CCBE1: variants seen among roughly 807,000 people sequenced by gnomAD.
The protein encoded by CCBE1 is collagen and calcium-binding EGF domain-containing protein 1.
CCBE1 carries 37 observed loss-of-function variants against 50.0 expected under a neutral mutation model. That is an observed-to-expected ratio of 0.74 (90% CI 0.57 to 0.97). CCBE1 has a LOEUF of 0.97. Ranked by LOEUF, CCBE1 falls within the 50% of genes least tolerant of loss-of-function variation. CCBE1 has a pLI of 0.00. For missense variants in CCBE1, 538 were observed against 523.8 expected, an observed-to-expected ratio of 1.03 and a Z score of -0.26; for synonymous variants, 234 against 203.7, an observed-to-expected ratio of 1.15 and a Z score of -1.27.
intron 2 of CCBE1, among the ~76,000 whole-genome samples, chr18:59,658,404 T>C (rs2054232948): frequency 2.0e-5 from 1 of 50,964 alleles, no homozygotes; most frequent in Non-Finnish European, 3.4e-5. Context: ...TATATATATA[T>C]ATATATATAT....
At chr18:59,442,366 C>T (rs1435390013) in intron 7 of CCBE1, among the ~76,000 whole-genome samples, 1 of 152,148 alleles carries the variant, frequency 6.6e-6, no homozygotes, top group Non-Finnish European at 1.5e-5. Flanking sequence ...TGTTTATATG[C>T]ATTCATGCAC....
At chr18:59,517,867 A>G (rs1380974800) in intron 2 of CCBE1, among the ~76,000 whole-genome samples, 1 of 152,222 alleles carries the variant, frequency 6.6e-6, no homozygotes, top group Non-Finnish European at 1.5e-5. Flanking sequence ...TTCAACAAAC[A>G]TGGTCAAGGG....
chr18:59,650,092 C>CA (rs2054107651), intron 2 of CCBE1, among the ~76,000 whole-genome samples: 1 of 152,118 alleles, frequency 6.6e-6, no homozygotes, highest in African/African-American at 2.4e-5. Flanking sequence ...TTCCCAGCTT[C>CA]AAGGCCACAG....
chr18:59,693,173 G>A (rs972406606), intron 2 of CCBE1, among the ~76,000 whole-genome samples: 2 of 152,170 alleles, frequency 1.3e-5, no homozygotes, highest in South Asian at 2.1e-4. Flanking sequence ...ATGCATTGTT[G>A]CAGGAAGTCC....
intron 2 of CCBE1, among the ~76,000 whole-genome samples, chr18:59,588,703 C>T (rs1319032423): frequency 2.0e-5 from 3 of 152,194 alleles, no homozygotes; most frequent in Non-Finnish European, 4.4e-5. Flanking sequence ...CAGTATACAG[C>T]TCTTCTGGCA....
chr18:59,536,741 G>A (rs1915265309), intron 2 of CCBE1, among the ~76,000 whole-genome samples: 1 of 152,128 alleles, frequency 6.6e-6, no homozygotes, highest in Non-Finnish European at 1.5e-5. Context: ...TGTAATCTCT[G>A]CACTCTAGGA....
intron 7 of CCBE1, among the ~76,000 whole-genome samples, chr18:59,444,010 G>A (rs990939193): frequency 2.0e-5 from 3 of 152,114 alleles, no homozygotes; most frequent in Non-Finnish European, 4.4e-5. Context: ...TTTTTGACTA[G>A]CTTATTTCAC....
At position 59,433,424 on chromosome 18, in the gene CCBE1, G is replaced by A. The variant is rs1910011718; in HGVS notation, c.*2484C>T. On this transcript the variant is annotated 3_prime_UTR_variant, in exon 11 of 11. Coordinates refer to ENST00000439986, the MANE Select transcript of CCBE1 (RefSeq NM_133459.4). The stretch of plus-strand genomic sequence containing the variant: ...GAGTCACCAGGAATTTTGCATAAAT[G>A]AGACATAGAGGAGCAAAGTGTTCAT... 6.6e-6 allele frequency: 1 copy of A among 151,924 alleles called. No individual in the cohort carries two copies. Among genetic ancestry groups the A allele is most frequent in the Non-Finnish European group, 1.5e-5 (1 of 68,000 alleles). 9.4% of individuals were successfully genotyped at this position (151,924 alleles called of 1,614,324 possible). A position where few individuals can be genotyped will look rare whatever the true frequency, so the allele number is the denominator to read the frequency against.
chr18:59,477,563 T>TGTGTGTGTGTGC lies in CCBE1; in HGVS notation c.265+2622_265+2623insGCACACACACAC, dbSNP rs1281589585. Among the ~76,000 whole-genome samples, 59 of 152,032 alleles carry TGTGTGTGTGTGC rather than the reference T, an allele frequency of 3.9e-4. No individual in the cohort carries two copies. The East Asian group carries it at 9.3e-3, about 24-fold the overall frequency. Reference sequence around the variant, plus strand: ...CTGTGTGTGTGTGTGTGTGTGTGTGTGTGCACCTGCATGCCAATCTTTGTT... The same window carrying TGTGTGTGTGTGC: ...CTGTGTGTGTGTGTGTGTGTGTGTGTGTGTGTGTGTGCGTGCACCTGCATGCCAATCTTTGTT... On this transcript the variant is annotated intron_variant, in intron 3 of 10. Coordinates refer to ENST00000439986, the MANE Select transcript of CCBE1 (RefSeq NM_133459.4).
chr18:59,575,301 T>C (rs2052977884), intron 2 of CCBE1, among the ~76,000 whole-genome samples: 1 of 152,048 alleles, frequency 6.6e-6, no homozygotes, highest in African/African-American at 2.4e-5. Context: ...ACCACAGAAT[T>C]CATGGGAAAC....
At position 59,562,600 on chromosome 18, in the gene CCBE1, C is replaced by T. The variant is rs116516974; in HGVS notation, c.213-82362G>A. On this transcript the variant is annotated intron_variant, in intron 2 of 10. Coordinates refer to ENST00000439986, the MANE Select transcript of CCBE1 (RefSeq NM_133459.4). ...GAGTTACTTTGAGGGGATGTGCACA[C>T]GCGTACGTTCTGGCCGGAATCCAGG... Among the ~76,000 whole-genome samples, 882 of 152,322 alleles carry T rather than the reference C, an allele frequency of 5.8e-3. 12 individuals are homozygous for T. The highest frequency in any genetic ancestry group is 0.02 in the African/African-American group (846 of 41,574).
At chr18:59,507,138 A>G (rs1024571898) in intron 2 of CCBE1, among the ~76,000 whole-genome samples, 1 of 152,196 alleles carries the variant, frequency 6.6e-6, no homozygotes, top group African/African-American at 2.4e-5. Context: ...TTCAAAGTCA[A>G]AACATCTGAA....
At chr18:59,458,892 C>T (rs78784660) in intron 5 of CCBE1, among the ~76,000 whole-genome samples, 68 of 152,326 alleles carry the variant, frequency 4.5e-4, no homozygotes, top group African/African-American at 1.3e-3. Context: ...GCTCCTCTGA[C>T]GCAGAAGTAC....
intron 4 of CCBE1, among the ~76,000 whole-genome samples, chr18:59,467,473 A>T (rs564127207): frequency 5.8e-4 from 89 of 152,288 alleles, no homozygotes; most frequent in African/African-American, 2.0e-3. Flanking sequence ...GTCTAATGGA[A>T]AGAGTCTTCC....
At chr18:59,641,343 A>G (rs2053987070) in intron 2 of CCBE1, among the ~76,000 whole-genome samples, 2 of 152,220 alleles carry the variant, frequency 1.3e-5, no homozygotes, top group African/African-American at 4.8e-5. Flanking sequence ...ACACAGGAAC[A>G]GAAAACCAAG....
chr18:59,608,287 A>G lies in CCBE1; in HGVS notation c.212+88342T>C, dbSNP rs138637346. 2.5e-3 allele frequency among the ~76,000 whole-genome samples: 388 copies of G among 152,334 alleles called. 10 individuals are homozygous for G. In the East Asian group the frequency reaches 0.037, roughly 15 times the overall value. ...CTGTTATTTACACAATTCCTTTTCC[A>G]GGATTTTCTCTGTACTCCTTACAGG... is the stretch of plus-strand genomic sequence containing the variant. On this transcript the variant is annotated intron_variant, in intron 2 of 10. Coordinates refer to ENST00000439986, the MANE Select transcript of CCBE1 (RefSeq NM_133459.4).
Position 59,469,547 on chromosome 18 carries a change from A to G in CCBE1, c.326T>C (p.Val109Ala). 6.2e-7 allele frequency: 1 copy of G among 1,614,110 alleles called. No homozygotes were observed. The highest frequency in any genetic ancestry group is 8.5e-7 in the Non-Finnish European group (1 of 1,180,032). ...EQQCTDNFGR[V>A]LCTCYPGYRY... Reference sequence around the variant, plus strand: ...GTATCCCGGATAACAAGTACACAGCACTCGGCCAAAGTTGTCCGTGCACTG... The same window carrying G: ...GTATCCCGGATAACAAGTACACAGCGCTCGGCCAAAGTTGTCCGTGCACTG... The change falls in exon 4 of 11, where the codon GTG becomes GCG. Residue 109 changes from valine to alanine, a missense_variant. Physicochemically the swap from Val to Ala is moderately conservative, Grantham distance 64. Transcript: ENST00000439986.
intron 2 of CCBE1, among the ~76,000 whole-genome samples, chr18:59,681,000 T>A (rs1418818933): frequency 1.3e-5 from 2 of 149,414 alleles, no homozygotes; most frequent in Middle Eastern, 3.2e-3. Context: ...GATAATTATC[T>A]GGGTTATTCA....
intron 2 of CCBE1, among the ~76,000 whole-genome samples, chr18:59,591,656 C>G (rs1005573883): frequency 1.3e-5 from 2 of 152,148 alleles, no homozygotes; most frequent in Non-Finnish European, 2.9e-5. Context: ...CGAAAACACT[C>G]TGTTGCTGAG....
Sources: gnomAD v4.1 joint callset for allele counts (sites outside exome capture counted in the v4.1 genomes callset) on GRCh38, gnomAD v4.1.1 for gene constraint, MANE v1.5 for transcripts, NCBI Gene and HGNC (gene_info 2026-07-23, HGNC 2026-07-21) for gene names.